EVL: variants seen among roughly 807,000 people sequenced by gnomAD.
EVL encodes the protein ena/VASP-like protein.
In EVL, 21 loss-of-function variants were observed where a neutral mutation model predicts 59.6. The observed-to-expected ratio is 0.35, with a 90% confidence interval of 0.25 to 0.51. The LOEUF (loss-of-function observed/expected upper bound fraction) is 0.51. Among genes scored for constraint, EVL ranks in the 20% least tolerant of loss-of-function variants. EVL has a pLI of 0.97. For synonymous variants in EVL, 198 were observed against 203.5 expected, an observed-to-expected ratio of 0.97 and a Z score of 0.23; for missense variants, 462 against 546.6, an observed-to-expected ratio of 0.85 and a Z score of 1.54.
intron 3 of EVL, chr14:100,107,208 A>G (rs1186848161): frequency 5.0e-6 from 2 of 398,620 alleles, no homozygotes; most frequent in Admixed American, 4.4e-5. Flanking sequence ...AGAACTTACT[A>G]GAGTCATCGT....
At chr14:100,024,325 A>G (rs536694396) in intron 1 of EVL, among the ~76,000 whole-genome samples, 1 of 152,350 alleles carries the variant, frequency 6.6e-6, no homozygotes, top group East Asian at 1.9e-4. Context: ...TGGCAAGGCT[A>G]AAGAACCATC....
intron 1 of EVL, among the ~76,000 whole-genome samples, chr14:100,031,259 G>T (rs1257877204): frequency 6.6e-6 from 1 of 152,184 alleles, no homozygotes; most frequent in Non-Finnish European, 1.5e-5. Flanking sequence ...CATGTGCACT[G>T]TTTAAAGTTC....
intron 1 of EVL, among the ~76,000 whole-genome samples, chr14:99,998,743 G>A (rs766968499): frequency 1.6e-4 from 25 of 152,126 alleles, no homozygotes; most frequent in Non-Finnish European, 2.9e-4. Flanking sequence ...GTTTACTAGC[G>A]TTTATGTATG....
At chr14:100,019,453 C>G (rs2061082953) in intron 1 of EVL, 1 of 540,214 alleles carries the variant, frequency 1.9e-6, no homozygotes, top group African/African-American at 2.0e-5. Flanking sequence ...GGTTTTCTAG[C>G]TGCCTCCCCT....
intron 2 of EVL, among the ~76,000 whole-genome samples, chr14:100,088,789 T>C (rs996047611): frequency 6.6e-6 from 1 of 152,194 alleles, no homozygotes; most frequent in African/African-American, 2.4e-5. Flanking sequence ...GTAAACGTTG[T>C]AATTATGGGC....
intron 1 of EVL, among the ~76,000 whole-genome samples, chr14:99,981,111 T>C (rs1428694672): frequency 6.6e-6 from 1 of 151,544 alleles, no homozygotes; most frequent in African/African-American, 2.4e-5. Flanking sequence ...TTTTTAGGCT[T>C]TTGGCTAGCA....
intron 1 of EVL, among the ~76,000 whole-genome samples, chr14:99,996,012 A>G (rs1163891009): frequency 6.6e-6 from 1 of 152,040 alleles, no homozygotes; most frequent in East Asian, 1.9e-4. Context: ...GTGGCTTCCA[A>G]CCTGGTGCCC....
chr14:100,055,853 C>T (rs1352402197), intron 1 of EVL, among the ~76,000 whole-genome samples: 2 of 152,034 alleles, frequency 1.3e-5, no homozygotes, highest in African/African-American at 4.8e-5. Context: ...TGCTCTGTCA[C>T]CAGACTGGAG....
At chr14:100,138,082 T>G in intron 11 of EVL, 2 of 546,326 alleles carry the variant, frequency 3.7e-6, no homozygotes, top group Non-Finnish European at 6.5e-6. Flanking sequence ...CTGGACTCAC[T>G]ACGTGTGACA....
At chr14:100,140,982 G>C (rs552587682) in intron 11 of EVL, 198 bp from the exon 12 acceptor site, 1 of 515,532 alleles carries the variant, frequency 1.9e-6, no homozygotes, top group African/African-American at 2.0e-5. Flanking sequence ...ATACAGTCAC[G>C]GTATCCATGG....
At chr14:100,099,068 C>T (rs1478833512) in intron 3 of EVL, among the ~76,000 whole-genome samples, 1 of 149,482 alleles carries the variant, frequency 6.7e-6, no homozygotes, top group Non-Finnish European at 1.5e-5. Context: ...TGGCGCCAGG[C>T]GTGGTGGCTC....
rs533382266 is a variant in EVL at position 99,977,593 on chromosome 14, C to A, written c.5+5536C>A. On this transcript the variant is annotated intron_variant, in intron 1 of 13. Coordinates refer to the EVL transcript ENST00000402714. Reference sequence around the variant, plus strand: ...CATCGTATTTTCATCCGCCACTACGCGCGGCTAATATTTTGTATTTTTAGT... The same window carrying A: ...CATCGTATTTTCATCCGCCACTACGAGCGGCTAATATTTTGTATTTTTAGT... Among the ~76,000 whole-genome samples the A allele has an allele frequency of 4.6e-5, 7 of 152,094 alleles. No individual in the cohort carries two copies. In the East Asian group the frequency reaches 1.4e-3, roughly 30 times the overall value.
At chr14:99,995,789 C>G (rs1313546278) in intron 1 of EVL, among the ~76,000 whole-genome samples, 1 of 152,120 alleles carries the variant, frequency 6.6e-6, no homozygotes, top group Non-Finnish European at 1.5e-5. Context: ...AACTCTCAAG[C>G]CTTTTCTTGG....
In EVL at chr14:100,084,047, T is replaced by C. The variant is rs370643445; in HGVS notation, c.12-640T>C. On this transcript the variant is annotated intron_variant, in intron 1 of 13. Coordinates refer to ENST00000392920, the MANE Select transcript of EVL (RefSeq NM_016337.3). ...ATGCTTTAATAATGCATTCTCTCTC[T>C]CTCTCTTTTTTTTTTTTTTTTTCCG... Among the ~76,000 whole-genome samples, 12 of 141,582 alleles carry C rather than the reference T, an allele frequency of 8.5e-5. No individual in the cohort carries two copies. In the South Asian group the frequency reaches 2.4e-3, roughly 28 times the overall value. The allele number at this position is 141,582 out of a possible 152,430, so 92.9% of individuals were successfully genotyped here.
chr14:100,084,890 C>T (rs1293262678), intron 2 of EVL, 35 bp downstream of exon 2: 3 of 1,607,878 alleles, frequency 1.9e-6, no homozygotes, highest in Non-Finnish European at 2.5e-6. Flanking sequence ...ACCCGTGAGC[C>T]TGCGCACCAC....
At chr14:100,125,326 T>TC (rs1888003596) in intron 4 of EVL, among the ~76,000 whole-genome samples, 1 of 151,486 alleles carries the variant, frequency 6.6e-6, no homozygotes, top group South Asian at 2.1e-4. Flanking sequence ...CCACGCAACT[T>TC]TACTGGAGGT....
chr14:100,128,596 C>A lies in EVL; in HGVS notation c.565C>A (p.Pro189Thr), dbSNP rs371072374. ...VSCSGPPPPPPPPVPPPPTGA... is the reference protein window; with the variant it reads ...VSCSGPPPPPTPPVPPPPTGA... Reference sequence around the variant, plus strand: ...ATGTAGTGGGCCTCCACCGCCCCCCCCACCCCCAGTCCCACCTCCACCCAC... The same window carrying A: ...ATGTAGTGGGCCTCCACCGCCCCCCACACCCCCAGTCCCACCTCCACCCAC... The change falls in exon 6 of 14, where the codon CCA (proline) becomes ACA (threonine). Residue 189 changes from proline (P) to threonine (T), a missense_variant. Pro to Thr is a conservative substitution (Grantham distance 38). Transcript: ENST00000392920. 3.3e-6 allele frequency: 5 copies of A among 1,535,090 alleles called. No individual in the cohort carries two copies. Among genetic ancestry groups the A allele is most frequent in the Middle Eastern group, 2.3e-4 (1 of 4,292 alleles).
intron 1 of EVL, among the ~76,000 whole-genome samples, chr14:100,002,141 C>CTAT (rs1431485919): frequency 1.3e-5 from 2 of 152,262 alleles, no homozygotes; most frequent in Admixed American, 1.3e-4. Context: ...CTTCAGTCCA[C>CTAT]TATTAGTTCA....
rs1250930176 is a variant in EVL, at chr14:100,108,674, C to T, written c.358+11016C>T. Among the ~76,000 whole-genome samples the T allele has an allele frequency of 3.3e-5, 5 of 152,176 alleles. No homozygotes were observed. The highest frequency in any genetic ancestry group is 1.2e-4 in the African/African-American group (5 of 41,444). On this transcript the variant is annotated intron_variant, in intron 3 of 13. Coordinates refer to ENST00000392920, the MANE Select transcript of EVL (RefSeq NM_016337.3). This position sits in a 1 kb window ranked among gnomAD's most constrained non-coding sequence, Gnocchi z 4.1. ...TCTCCTGTGCCCCTGGCCCTTCTTC[C>T]CCTCTCACTTTTCCCCACACTTCTA...
Sources: allele counts gnomAD v4.1 joint callset (sites outside exome capture counted in the v4.1 genomes callset), GRCh38; gene constraint gnomAD v4.1.1; non-coding constraint Gnocchi (gnomAD v3.1); transcripts MANE v1.5; gene names NCBI Gene and HGNC (gene_info 2026-07-23, HGNC 2026-07-21).